OPHN1: variants seen among roughly 807,000 people sequenced by gnomAD.
OPHN1 encodes the protein oligophrenin-1.
In OPHN1, 11 loss-of-function variants were observed where a neutral mutation model predicts 60.7. The observed-to-expected ratio is 0.18, with a 90% CI of 0.11 to 0.30. The LOEUF is 0.30. Ranked by LOEUF, OPHN1 falls within the 10% of genes least tolerant of loss-of-function variation. OPHN1 has a pLI of 1.00. For missense variants in OPHN1, 449 were observed against 611.0 expected (o/e 0.73, Z 2.80); for synonymous variants, 226 against 222.6 (o/e 1.02, Z -0.14).
At chrX:68,301,475 C>G in intron 2 of OPHN1, among the ~76,000 whole-genome samples, 1 of 103,962 alleles carries the variant, frequency 9.6e-6, no homozygotes, top group Admixed American at 1.1e-4. Flanking sequence ...AAAGAACAAG[C>G]ATAAATTCAC....
intron 15 of OPHN1, among the ~76,000 whole-genome samples, chrX:68,177,251 G>A (rs1215209812): frequency 9.1e-6 from 1 of 110,474 alleles, no homozygotes; most frequent in Non-Finnish European, 1.9e-5. Flanking sequence ...GTTGTACAGA[G>A]TTTCAGTTTC....
At chrX:68,229,207 G>T (rs1295416430) in intron 6 of OPHN1, among the ~76,000 whole-genome samples, 4 of 111,411 alleles carry the variant, frequency 3.6e-5, no homozygotes, top group Non-Finnish European at 7.5e-5. Flanking sequence ...ACTTACAAGG[G>T]ATGTGAAGGA....
intron 7 of OPHN1, among the ~76,000 whole-genome samples, chrX:68,212,648 G>A (rs780228461): frequency 8.0e-5 from 9 of 111,936 alleles, no homozygotes; most frequent in Middle Eastern, 4.3e-3. Flanking sequence ...CCAGTATAGC[G>A]CTAAACGCAG....
intron 16 of OPHN1, among the ~76,000 whole-genome samples, chrX:68,117,934 T>C (rs762788668): frequency 7.1e-5 from 8 of 112,033 alleles, no homozygotes; most frequent in Admixed American, 2.8e-4. Flanking sequence ...GGGAAGGCCT[T>C]ACAAATCTAA....
At position 68,406,410 on chromosome X, in the gene OPHN1, G is replaced by A. The variant is rs764024786; in HGVS notation, c.154+26457C>T. On this transcript the variant is annotated intron_variant, in intron 2 of 24. Coordinates refer to ENST00000355520, the MANE Select transcript of OPHN1 (RefSeq NM_002547.3). ...GCAGATCGCCTGAGGTCAGGAGTTCGAGACCAGCCTGGCCAACATGGTGGA... is the reference window on the plus strand; with the variant it reads ...GCAGATCGCCTGAGGTCAGGAGTTCAAGACCAGCCTGGCCAACATGGTGGA... 1.6e-3 allele frequency among the ~76,000 whole-genome samples: 170 copies of A among 108,303 alleles called. 1 individual carries two copies. The highest frequency in any genetic ancestry group is 3.0e-3 in the Non-Finnish European group (155 of 51,929). 94.0% of individuals were successfully genotyped at this position (108,303 alleles called of 115,157 possible). A position where few individuals can be genotyped will look rare whatever the true frequency, so the allele number is the denominator to read the frequency against.
chrX:68,237,508 T>C (rs1463160745), intron 5 of OPHN1, among the ~76,000 whole-genome samples: 1 of 111,870 alleles, frequency 8.9e-6, no homozygotes, highest in Non-Finnish European at 1.9e-5. Context: ...TTTCTATTGA[T>C]TTAGGGCTTC....
At chrX:68,338,839 C>G (rs2078336618) in intron 2 of OPHN1, among the ~76,000 whole-genome samples, 1 of 110,425 alleles carries the variant, frequency 9.1e-6, no homozygotes, top group African/African-American at 3.3e-5. Context: ...TTCTGGGAGG[C>G]CAAGGCAGGA....
At chrX:68,378,491 A>T (rs2078574321) in intron 2 of OPHN1, among the ~76,000 whole-genome samples, 1 of 111,602 alleles carries the variant, frequency 9.0e-6, no homozygotes, top group South Asian at 3.7e-4. Context: ...GGTGTTTTAG[A>T]CATGAAGTCC....
intron 4 of OPHN1, among the ~76,000 whole-genome samples, chrX:68,276,024 T>C (rs1455154704): frequency 9.0e-6 from 1 of 110,987 alleles, no homozygotes; most frequent in Non-Finnish European, 1.9e-5. Context: ...CAAAAAAAAA[T>C]ATAAAACTAG....
intron 15 of OPHN1, among the ~76,000 whole-genome samples, chrX:68,181,400 C>A (rs1450910734): frequency 1.8e-5 from 2 of 111,809 alleles, no homozygotes; most frequent in East Asian, 5.7e-4. Flanking sequence ...TGCTTATAAA[C>A]AATGGCTATT....
chrX:68,137,871 G>A (rs1472463519), intron 15 of OPHN1, among the ~76,000 whole-genome samples: 2 of 111,454 alleles, frequency 1.8e-5, no homozygotes, highest in African/African-American at 3.3e-5. Flanking sequence ...GCATAGAAAG[G>A]TATACTTTTC....
In OPHN1 at chrX:68,108,386, C is replaced by T. The variant is rs780091664; in HGVS notation, c.1526+3468G>A. Among the ~76,000 whole-genome samples, 15 of 112,068 alleles carry T rather than the reference C, an allele frequency of 1.3e-4. No homozygotes were observed. In the South Asian group the frequency reaches 5.2e-3, roughly 39 times the overall value. ...CACTTCTTTTTGGGTAGAATCCCTTCGACACTGTTTCAGTGGATAAAGTTT... is the reference window on the plus strand; with the variant it reads ...CACTTCTTTTTGGGTAGAATCCCTTTGACACTGTTTCAGTGGATAAAGTTT... On this transcript the variant is annotated intron_variant, in intron 18 of 24. Transcript: ENST00000355520.
chrX:68,092,501 T>C (rs2077022447), intron 19 of OPHN1, among the ~76,000 whole-genome samples: 2 of 112,245 alleles, frequency 1.8e-5, no homozygotes, highest in South Asian at 7.3e-4. Context: ...AGATCCTTGG[T>C]TACCATGTCT....
chrX:68,395,490 C>A (rs1289594859), intron 2 of OPHN1, among the ~76,000 whole-genome samples: 1 of 107,414 alleles, frequency 9.3e-6, no homozygotes, highest in African/African-American at 3.4e-5. Context: ...TCTTATCACC[C>A]AGGCTAGAGT....
chrX:68,350,451 C>T (rs755683859), intron 2 of OPHN1, among the ~76,000 whole-genome samples: 35 of 69,322 alleles, frequency 5.0e-4, no homozygotes, highest in African/African-American at 3.0e-3. Context: ...TCCCTCTCTC[C>T]CTCCCTTCCT....
At chrX:68,324,520 G>A (rs1018815937) in intron 2 of OPHN1, among the ~76,000 whole-genome samples, 6 of 106,906 alleles carry the variant, frequency 5.6e-5, no homozygotes, top group East Asian at 2.9e-4. Flanking sequence ...GACGTGGGAG[G>A]AGGATCACTT....
chrX:68,196,327 T>C (rs1229038247), intron 12 of OPHN1, among the ~76,000 whole-genome samples: 1 of 112,207 alleles, frequency 8.9e-6, no homozygotes. Context: ...TAGCACATTG[T>C]GGTTTACAAG....
At chrX:68,414,382 T>C (rs779690341) in intron 2 of OPHN1, among the ~76,000 whole-genome samples, 1 of 111,837 alleles carries the variant, frequency 8.9e-6, no homozygotes, top group Non-Finnish European at 1.9e-5. Flanking sequence ...TGTGTGACTA[T>C]GAGAAATATG....
At chrX:68,190,988 G>GT (rs1440155878) in intron 15 of OPHN1, among the ~76,000 whole-genome samples, 1 of 112,071 alleles carries the variant, frequency 8.9e-6, no homozygotes, top group Admixed American at 9.5e-5. Flanking sequence ...ACTGAGTGCT[G>GT]TAACATCCTC....
Sources: gnomAD v4.1 joint callset for allele counts (sites outside exome capture counted in the v4.1 genomes callset) on GRCh38, gnomAD v4.1.1 for gene constraint, MANE v1.5 for transcripts, NCBI Gene and HGNC (gene_info 2026-07-23, HGNC 2026-07-21) for gene names.